PIR: variants seen among roughly 807,000 people sequenced by gnomAD.
PIR encodes pirin, also known as pirin (iron-binding nuclear protein).
In PIR, 22 loss-of-function variants were observed where a neutral mutation model predicts 24.2. That is an observed-to-expected ratio of 0.91 (90% confidence interval 0.65 to 1.30). The LOEUF (loss-of-function observed/expected upper bound fraction) is 1.30. Among genes scored for constraint, PIR ranks in the 50% most tolerant of loss-of-function variants. The pLI is 0.00. For missense variants in PIR, 220 were observed against 220.3 expected (o/e 1.00, Z 0.01); for synonymous variants, 80 against 79.6 (o/e 1.00, Z -0.03).
chrX:15,466,933 C>A (rs1434455503), intron 3 of PIR, among the ~76,000 whole-genome samples: 1 of 112,314 alleles, frequency 8.9e-6, no homozygotes, highest in Non-Finnish European at 1.9e-5. Flanking sequence ...CTAGCTTTTT[C>A]ACCATGGGAC....
At chrX:15,394,383 T>C (rs1212845024) in intron 8 of PIR, among the ~76,000 whole-genome samples, 2 of 112,374 alleles carry the variant, frequency 1.8e-5, no homozygotes, top group Non-Finnish European at 3.8e-5. Flanking sequence ...AAATGCTATA[T>C]ATAGTCAAAT....
intron 6 of PIR, among the ~76,000 whole-genome samples, chrX:15,419,925 G>A (rs1182816400): frequency 9.5e-6 from 1 of 105,417 alleles, no homozygotes; most frequent in Non-Finnish European, 1.9e-5. Flanking sequence ...GAGGCTGGGC[G>A]CAGTGGCTCA....
intron 9 of PIR, among the ~76,000 whole-genome samples, chrX:15,388,736 G>A (rs1021424790): frequency 8.9e-6 from 1 of 112,216 alleles, no homozygotes; most frequent in Non-Finnish European, 1.9e-5. Flanking sequence ...GACACACGAT[G>A]ATAAGAGGAG....
At chrX:15,446,020 G>A (rs974894825) in intron 5 of PIR, among the ~76,000 whole-genome samples, 3 of 108,357 alleles carry the variant, frequency 2.8e-5, no homozygotes, top group African/African-American at 1.0e-4. Context: ...TAGTAGAGAC[G>A]GGGTTTCACC....
At chrX:15,414,216 C>A (rs772485858) in intron 6 of PIR, among the ~76,000 whole-genome samples, 7 of 111,969 alleles carry the variant, frequency 6.3e-5, no homozygotes, top group Non-Finnish European at 1.3e-4. Context: ...TTATCCTGTT[C>A]TTTAAAAAAA....
intron 9 of PIR, among the ~76,000 whole-genome samples, chrX:15,388,351 T>C (rs1241350534): frequency 1.8e-5 from 2 of 111,696 alleles, no homozygotes; most frequent in Non-Finnish European, 3.8e-5. Context: ...GGCAGAGCAA[T>C]GGACGACCAG....
intron 5 of PIR, among the ~76,000 whole-genome samples, chrX:15,431,517 G>A (rs1925503416): frequency 2.7e-5 from 3 of 111,107 alleles, no homozygotes; most frequent in African/African-American, 9.8e-5. Context: ...AACTCTTTAT[G>A]TGCTCTAAAT....
intron 6 of PIR, among the ~76,000 whole-genome samples, chrX:15,412,140 A>AT (rs1924764483): frequency 2.7e-5 from 3 of 112,389 alleles, no homozygotes; most frequent in Non-Finnish European, 5.6e-5. Context: ...GGATATTCAA[A>AT]TTGTGTCAGT....
intron 4 of PIR, among the ~76,000 whole-genome samples, chrX:15,457,037 A>G (rs748549154): frequency 4.4e-4 from 49 of 112,398 alleles, no homozygotes; most frequent in Non-Finnish European, 7.9e-4. Flanking sequence ...CAGAAAGCAC[A>G]AGTGAGAGAG....
intron 3 of PIR, among the ~76,000 whole-genome samples, chrX:15,463,744 A>G (rs1460069601): frequency 8.9e-6 from 1 of 112,427 alleles, no homozygotes; most frequent in Non-Finnish European, 1.9e-5. Context: ...ATGGGAAATT[A>G]ATATATGAAA....
At chrX:15,428,430 A>G (rs1289069164) in intron 5 of PIR, among the ~76,000 whole-genome samples, 2 of 111,990 alleles carry the variant, frequency 1.8e-5, no homozygotes, top group Admixed American at 1.9e-4. Flanking sequence ...CCTTCAGATA[A>G]AGATCCCTGT....
chrX:15,488,294 A>G lies in PIR; in HGVS notation c.96+2868T>C, dbSNP rs778666461. Among the ~76,000 whole-genome samples the G allele has an allele frequency of 4.1e-4, 31 of 76,452 alleles. No homozygotes were observed. In the East Asian group the frequency reaches 8.5e-3, roughly 21 times the overall value. The allele number at this position is 76,452 out of a possible 115,157, so 66.4% of individuals were successfully genotyped here. ...ACTCCGTCTCAAAAAAAAAAAAAAA[A>G]AAAAAAGAAAAGAAAGAAAAAGAAA... On this transcript the variant is annotated intron_variant, in intron 2 of 9. Transcript: ENST00000380420.
At chrX:15,403,544 G>A (rs1924456332) in intron 7 of PIR, among the ~76,000 whole-genome samples, 1 of 110,858 alleles carries the variant, frequency 9.0e-6, no homozygotes, top group Admixed American at 9.6e-5. Flanking sequence ...ACTAGTATCT[G>A]TGGGATCTAC....
chrX:15,397,665 ATCTC>A, intron 7 of PIR, 134 bp from the exon 8 acceptor site: 1 of 431,771 alleles, frequency 2.3e-6, no homozygotes, highest in Non-Finnish European at 4.0e-6. Flanking sequence ...ATTCCCTTGA[ATCTC>A]TTGGTTAATT....
intron 5 of PIR, among the ~76,000 whole-genome samples, chrX:15,451,088 C>A (rs1453798921): frequency 9.0e-6 from 1 of 111,731 alleles, no homozygotes; most frequent in African/African-American, 3.3e-5. Flanking sequence ...AATTAGTGGG[C>A]AGGTTGCTCG....
At chrX:15,414,713 A>G (rs1340508366) in intron 6 of PIR, among the ~76,000 whole-genome samples, 3 of 111,504 alleles carry the variant, frequency 2.7e-5, no homozygotes, top group Non-Finnish European at 5.7e-5. Flanking sequence ...AAAATTACAG[A>G]CAGAGTCTCA....
intron 8 of PIR, among the ~76,000 whole-genome samples, chrX:15,392,524 A>G (rs1449798838): frequency 8.9e-6 from 1 of 111,883 alleles, no homozygotes; most frequent in African/African-American, 3.2e-5. Context: ...TTAATAATTA[A>G]TTCCTTAATC....
At chrX:15,425,843 G>T in intron 6 of PIR, 63 bp downstream of exon 6, 2 of 663,188 alleles carry the variant, frequency 3.0e-6, no homozygotes, top group Non-Finnish European at 4.8e-6. Flanking sequence ...ACAGCCTCTT[G>T]TTGGTTTTTT....
chrX:15,410,023 C>T (rs1243864494), intron 6 of PIR, among the ~76,000 whole-genome samples: 1 of 110,697 alleles, frequency 9.0e-6, no homozygotes, highest in African/African-American at 3.3e-5. Flanking sequence ...AGGGCCAAGG[C>T]GAGCAGATCA....
Sources: allele counts gnomAD v4.1 joint callset (sites outside exome capture counted in the v4.1 genomes callset), GRCh38; gene constraint gnomAD v4.1.1; transcripts MANE v1.5; gene names NCBI Gene and HGNC (gene_info 2026-07-23, HGNC 2026-07-21).